The following NIPBL variants were observed in gnomAD, a reference collection of about 807,000 sequenced individuals.
The protein encoded by NIPBL is NIPBL cohesin loading factor, also known as nipped-B-like protein.
In NIPBL, 19 loss-of-function variants were observed where a neutral mutation model predicts 321.8. That is an observed-to-expected ratio of 0.06 (90% CI 0.04 to 0.09). NIPBL has a LOEUF of 0.09. Ranked by LOEUF, NIPBL falls within the 10% of genes least tolerant of loss-of-function variation. The pLI, the probability that NIPBL is intolerant of heterozygous loss-of-function variation, is 1.00. For synonymous variants in NIPBL, 1,106 were observed against 1,114.1 expected, an observed-to-expected ratio of 0.99 and a Z score of 0.14; for missense variants, 2,210 against 3,327.0, an observed-to-expected ratio of 0.66 and a Z score of 8.26.
intron 32 of NIPBL, among the ~76,000 whole-genome samples, chr5:37,030,929 T>C (rs1750938157): frequency 6.7e-6 from 1 of 149,236 alleles, no homozygotes; most frequent in Admixed American, 6.7e-5. Context: ...CTTTTTTTTT[T>C]TTTTTTTTTT....
chr5:36,976,893 T>A (rs1399664669), intron 9 of NIPBL, among the ~76,000 whole-genome samples: 2 of 152,090 alleles, frequency 1.3e-5, no homozygotes, highest in Admixed American at 6.6e-5. Context: ...CAAATTTTTT[T>A]AGTAAACAAA....
At chr5:37,061,048 C>T in intron 45 of NIPBL, 30 bp downstream of exon 45, 2 of 1,575,372 alleles carry the variant, frequency 1.3e-6, no homozygotes, top group Non-Finnish European at 1.7e-6. Context: ...GTTTTTACTT[C>T]TCATAAGGGC....
chr5:36,975,971 C>G lies in NIPBL; in HGVS notation c.1064C>G (p.Ser355Cys). 1 of 1,613,954 alleles carries G rather than the reference C, an allele frequency of 6.2e-7. No homozygotes were observed. The highest frequency in any genetic ancestry group is 2.2e-5 in the East Asian group (1 of 44,872). ...YDIISSPSKD[S>C]TKLTLRLSRV... Reference sequence around the variant, plus strand: ...ATAATTAGTTCTCCATCCAAGGACTCTACTAAACTTACATTAAGACTTTCT... The same window carrying G: ...ATAATTAGTTCTCCATCCAAGGACTGTACTAAACTTACATTAAGACTTTCT... The change falls in exon 9 of 47, where the codon TCT becomes TGT. Residue 355 changes from serine to cysteine, a missense_variant. Coordinates refer to ENST00000282516, the MANE Select transcript of NIPBL (RefSeq NM_133433.4).
rs535600457 is a variant in NIPBL, at chr5:36,980,349, G to C, written c.1495+3947G>C. Among the ~76,000 whole-genome samples the C allele has an allele frequency of 3.3e-5, 5 of 151,692 alleles. No individual in the cohort carries two copies. The South Asian group carries it at 1.0e-3, about 31-fold the overall frequency. ...CGGTGATAACCTGAGGATTAAAGTA[G>C]GTTTTGCTGATTTCATATTATTGTT... On this transcript the variant is annotated intron_variant, in intron 9 of 46. Transcript: ENST00000282516.
intron 9 of NIPBL, among the ~76,000 whole-genome samples, chr5:36,977,587 T>G (rs994874847): frequency 3.5e-4 from 38 of 109,284 alleles, no homozygotes; most frequent in African/African-American, 5.0e-4. Flanking sequence ...GGGAGCTGGG[T>G]TTTTTTTTCT....
At chr5:36,912,533 C>G (rs1316660529) in intron 1 of NIPBL, among the ~76,000 whole-genome samples, 1 of 146,632 alleles carries the variant, frequency 6.8e-6, no homozygotes, top group African/African-American at 2.5e-5. Context: ...GATGGAATCT[C>G]ACTGTCGCCC....
intron 1 of NIPBL, among the ~76,000 whole-genome samples, chr5:36,889,251 A>G (rs1225624527): frequency 6.6e-6 from 1 of 152,144 alleles, no homozygotes; most frequent in African/African-American, 2.4e-5. Flanking sequence ...TATCTGGACA[A>G]TAAGGTTTGT....
intron 21 of NIPBL, among the ~76,000 whole-genome samples, chr5:37,012,585 T>A (rs1181795165): frequency 6.6e-6 from 1 of 152,034 alleles, no homozygotes. Flanking sequence ...TCTCTGGTTT[T>A]CCTAGGCAGA....
intron 17 of NIPBL, 56 bp downstream of exon 17, chr5:37,006,644 A>G: frequency 8.9e-7 from 1 of 1,124,004 alleles, no homozygotes; most frequent in Non-Finnish European, 1.3e-6. Flanking sequence ...AGATGAGTCA[A>G]AATAGGACTT....
intron 1 of NIPBL, among the ~76,000 whole-genome samples, chr5:36,893,926 A>C (rs1418903860): frequency 6.6e-6 from 1 of 152,240 alleles, no homozygotes; most frequent in Non-Finnish European, 1.5e-5. Flanking sequence ...GCCTACCAGC[A>C]GTACTTCAAG....
intron 1 of NIPBL, among the ~76,000 whole-genome samples, chr5:36,882,176 T>C (rs182644014): frequency 6.1e-4 from 93 of 152,104 alleles, no homozygotes; most frequent in African/African-American, 2.2e-3. Flanking sequence ...TGAAATAGTC[T>C]TTTTCTCATC....
chr5:37,064,909 G>C lies in NIPBL; in HGVS notation c.*17G>C. ...TCCAGCTAATGAATTTGTACATGCA[G>C]CCAAATTTACAGGAATTTTTTTAAA... is the stretch of plus-strand genomic sequence containing the variant. On this transcript the variant is annotated 3_prime_UTR_variant, in exon 47 of 47. Transcript: ENST00000282516. The C allele has an allele frequency of 6.2e-7, 1 of 1,613,850 alleles. No individual in the cohort carries two copies. The highest frequency in any genetic ancestry group is 1.6e-4 in the Middle Eastern group (1 of 6,062).
intron 6 of NIPBL, among the ~76,000 whole-genome samples, chr5:36,968,408 A>G (rs1742478381): frequency 6.6e-6 from 1 of 152,000 alleles, no homozygotes; most frequent in Non-Finnish European, 1.5e-5. Flanking sequence ...GTGTACTAAA[A>G]ATACAAAAAA....
intron 29 of NIPBL, 54 bp downstream of exon 29, chr5:37,022,444 T>C: frequency 6.7e-7 from 1 of 1,503,340 alleles, no homozygotes; most frequent in Non-Finnish European, 9.0e-7. Flanking sequence ...CTTTCAAGCA[T>C]CATGTTTTGT....
chr5:36,880,428 T>C (rs1745418424), intron 1 of NIPBL, among the ~76,000 whole-genome samples: 2 of 152,066 alleles, frequency 1.3e-5, no homozygotes, highest in South Asian at 2.1e-4. Context: ...AAAAGCATAA[T>C]TTGGAAGAAA....
intron 23 of NIPBL, 134 bp downstream of exon 23, chr5:37,016,304 A>G (rs1748983748): frequency 3.2e-6 from 3 of 930,760 alleles, no homozygotes; most frequent in Middle Eastern, 2.8e-4. Flanking sequence ...TTGCATGTGC[A>G]TAACTGTACA....
At chr5:37,016,304 A>C in intron 23 of NIPBL, 134 bp downstream of exon 23, 5 of 930,878 alleles carry the variant, frequency 5.4e-6, no homozygotes, top group Non-Finnish European at 8.4e-6. Context: ...TTGCATGTGC[A>C]TAACTGTACA....
At chr5:36,892,548 A>G (rs1746419201) in intron 1 of NIPBL, among the ~76,000 whole-genome samples, 1 of 152,218 alleles carries the variant, frequency 6.6e-6, no homozygotes, top group Non-Finnish European at 1.5e-5. Flanking sequence ...CAAATATCCA[A>G]CAACGATAGA....
At chr5:37,051,690 T>C (rs1753562729) in intron 40 of NIPBL, 89 bp from the exon 41 acceptor site, 2 of 827,748 alleles carry the variant, frequency 2.4e-6, no homozygotes, top group Admixed American at 2.0e-5. Flanking sequence ...TAAATTCATA[T>C]ATCTCAGATA....
Sources: gnomAD v4.1 joint callset for allele counts (sites outside exome capture counted in the v4.1 genomes callset) on GRCh38, gnomAD v4.1.1 for gene constraint, MANE v1.5 for transcripts, NCBI Gene and HGNC (gene_info 2026-07-23, HGNC 2026-07-21) for gene names.